The following SLC45A3 variants were observed in gnomAD, a reference collection of about 807,000 sequenced individuals.
The protein encoded by SLC45A3 is solute carrier family 45 member 3.
In SLC45A3, 17 loss-of-function variants were observed where a neutral mutation model predicts 35.3. That is an observed-to-expected ratio of 0.48 (90% confidence interval 0.33 to 0.72). The LOEUF is 0.72. Ranked by LOEUF, SLC45A3 falls within the 30% of genes least tolerant of loss-of-function variation. SLC45A3 has a pLI of 0.02. For missense variants in SLC45A3, 597 were observed against 731.7 expected, an observed-to-expected ratio of 0.82 and a Z score of 2.12; for synonymous variants, 288 against 334.3, an observed-to-expected ratio of 0.86 and a Z score of 1.51.
chr1:205,670,886 G>GA (rs1369481230), intron 1 of SLC45A3, among the ~76,000 whole-genome samples: 1 of 152,204 alleles, frequency 6.6e-6, no homozygotes, highest in Non-Finnish European at 1.5e-5. Context: ...GGGCAGAGGG[G>GA]GCACACCACA....
intron 4 of SLC45A3, among the ~76,000 whole-genome samples, chr1:205,660,539 G>T (rs76174744): frequency 2.2e-4 from 34 of 152,324 alleles, no homozygotes; most frequent in East Asian, 1.9e-3. Flanking sequence ...GGCTCACCAT[G>T]CAGCTCAACA....
chr1:205,661,676 C>T (rs1231863160), intron 4 of SLC45A3, among the ~76,000 whole-genome samples, 185 bp downstream of exon 4: 2 of 152,142 alleles, frequency 1.3e-5, no homozygotes, highest in Non-Finnish European at 2.9e-5. Context: ...AAGTCATTCC[C>T]AGAATCTAAT....
chr1:205,679,119 C>G (rs1671357971), intron 1 of SLC45A3, among the ~76,000 whole-genome samples: 1 of 152,170 alleles, frequency 6.6e-6, no homozygotes, highest in South Asian at 2.1e-4. Context: ...CAGCAAGGGT[C>G]ACTGCGGGCC....
Position 205,664,737 on chromosome 1 carries a change from G to C in SLC45A3, c.-81C>G. 1 of 1,539,964 alleles carries C rather than the reference G, an allele frequency of 6.5e-7. No individual in the cohort carries two copies. The highest frequency in any genetic ancestry group is 1.2e-5 in the South Asian group (1 of 80,272). On this transcript the variant is annotated 5_prime_UTR_variant, in exon 2 of 5. Coordinates refer to ENST00000367145, the MANE Select transcript of SLC45A3 (RefSeq NM_033102.3). The surrounding 1 kb of genome is among the most constrained non-coding windows in gnomAD (Gnocchi z 5.3). ...GTCTCGGCTCTGCTCCAGAAGCTGC[G>C]GCCTCTCCTCCTTGCTGCCGCCAAC...
rs370910332 is a variant in SLC45A3 at position 205,659,144 on chromosome 1, C to T, written c.*90G>A. ...TTACTTTGGCAGCAACAGAAACTGG[C>T]GGCCAGCCCGGCAGCCCCATGGGGC... On this transcript the variant is annotated 3_prime_UTR_variant, in exon 5 of 5. Coordinates refer to ENST00000367145, the MANE Select transcript of SLC45A3 (RefSeq NM_033102.3). This position sits in a 1 kb window ranked among gnomAD's most constrained non-coding sequence, Gnocchi z 5.8. 1.3e-4 allele frequency: 176 copies of T among 1,358,320 alleles called. No individual in the cohort carries two copies. In the African/African-American group the frequency reaches 2.2e-3, roughly 17 times the overall value. The allele number at this position is 1,358,320 out of a possible 1,614,324, so 84.1% of individuals were successfully genotyped here.
rs779593409 is a variant in SLC45A3, at chr1:205,659,339, A to G, written c.1557T>C (p.Ser519=). ...FMGSIVQLSQ[S]VTAYMVSAAG... is the part of the protein sequence containing the mutation. ...CGGCAGACACCATATAGGCAGTGAC[A>G]GACTGGCTGAGCTGGACAATGGAGC... The change falls in exon 5 of 5, where the codon TCT becomes TCC. Residue 519 remains serine, a synonymous_variant. Coordinates refer to ENST00000367145, the MANE Select transcript of SLC45A3 (RefSeq NM_033102.3). The surrounding 1 kb of genome is among the most constrained non-coding windows in gnomAD (Gnocchi z 5.8). 3 of 1,614,240 alleles carry G rather than the reference A, an allele frequency of 1.9e-6. No homozygotes were observed. Among genetic ancestry groups the G allele is most frequent in the South Asian group, 2.2e-5 (2 of 91,090 alleles).
At chr1:205,665,007 C>G in intron 1 of SLC45A3, 121 bp from the exon 2 acceptor site, 3 of 930,484 alleles carry the variant, frequency 3.2e-6, no homozygotes, top group Non-Finnish European at 4.1e-6. Context: ...GCCCTGTCAC[C>G]GAGGTGCCAC....
chr1:205,677,925 TATC>T (rs1671337087), intron 1 of SLC45A3, among the ~76,000 whole-genome samples: 1 of 152,232 alleles, frequency 6.6e-6, no homozygotes, highest in African/African-American at 2.4e-5. Context: ...CAGTAAGTAT[TATC>T]ATTCCCATTT....
At position 205,663,466 on chromosome 1, in the gene SLC45A3, G is replaced by A. The variant is rs1395852589; in HGVS notation, c.325C>T (p.Leu109=). 5.0e-6 allele frequency: 8 copies of A among 1,612,834 alleles called. No individual in the cohort carries two copies. The East Asian group carries it at 1.8e-4, about 36-fold the overall frequency. ...SLFLIPRAGW[L]AGLLCPDPRP... ...GGATCCGGGCACAGCAGCCCTGCTAGCCAGCCGGCCCTTGGGATGAGAAAG... is the reference window on the plus strand; with the variant it reads ...GGATCCGGGCACAGCAGCCCTGCTAACCAGCCGGCCCTTGGGATGAGAAAG... The change falls in exon 3 of 5, where the codon CTA becomes TTA. Residue 109 remains leucine, a synonymous_variant. Transcript: ENST00000367145.
chr1:205,662,736 G>A lies in SLC45A3; in HGVS notation c.958+97C>T, dbSNP rs1171921304. On this transcript the variant is annotated intron_variant, in intron 3 of 4. Transcript: ENST00000367145. This position sits in a 1 kb window ranked among gnomAD's most constrained non-coding sequence, Gnocchi z 6.2. ...CCCCACTTTCCTGACAGAGAAGTCG[G>A]GGCCAGGATGGAGAGGCACCAGCCC... The A allele has an allele frequency of 1.0e-5, 15 of 1,492,380 alleles. No homozygotes were observed. The highest frequency in any genetic ancestry group is 2.3e-5 in the Admixed American group (1 of 43,696). The allele number at this position is 1,492,380 out of a possible 1,614,324, so 92.4% of individuals were successfully genotyped here.
chr1:205,662,700 A>G lies in SLC45A3; in HGVS notation c.958+133T>C. Reference sequence around the variant, plus strand: ...CACCCATGAGAAGCCGTGTATGCAGATGGGGTCCATCCCCACTTTCCTGAC... The same window carrying G: ...CACCCATGAGAAGCCGTGTATGCAGGTGGGGTCCATCCCCACTTTCCTGAC... On this transcript the variant is annotated intron_variant, in intron 3 of 4. Coordinates refer to ENST00000367145, the MANE Select transcript of SLC45A3 (RefSeq NM_033102.3). The surrounding 1 kb of genome is among the most constrained non-coding windows in gnomAD (Gnocchi z 6.2). 1 of 1,459,272 alleles carries G rather than the reference A, an allele frequency of 6.9e-7. No individual in the cohort carries two copies. Among genetic ancestry groups the G allele is most frequent in the Non-Finnish European group, 9.0e-7 (1 of 1,112,732 alleles). 90.4% of individuals were successfully genotyped at this position (1,459,272 alleles called of 1,614,324 possible).
intron 1 of SLC45A3, among the ~76,000 whole-genome samples, chr1:205,668,704 A>G (rs535400778): frequency 6.6e-6 from 1 of 152,304 alleles, no homozygotes; most frequent in South Asian, 2.1e-4. Flanking sequence ...GGAAGGAAGT[A>G]GAGGGGCTGA....
intron 1 of SLC45A3, among the ~76,000 whole-genome samples, chr1:205,671,713 A>C (rs1671217203): frequency 6.6e-6 from 1 of 152,166 alleles, no homozygotes; most frequent in Non-Finnish European, 1.5e-5. Context: ...TACAAAAATT[A>C]GCCAGGCCCA....
At chr1:205,673,374 T>C (rs1671249299) in intron 1 of SLC45A3, among the ~76,000 whole-genome samples, 1 of 152,196 alleles carries the variant, frequency 6.6e-6, no homozygotes. Context: ...CTTCCCCCCA[T>C]CCTGCCTTTT....
At position 205,664,901 on chromosome 1, in the gene SLC45A3, C is replaced by A; in HGVS notation, c.-230-15G>T. On this transcript the variant is annotated splice_polypyrimidine_tract_variant and intron_variant, in intron 1 of 4. Coordinates refer to ENST00000367145, the MANE Select transcript of SLC45A3 (RefSeq NM_033102.3). This position sits in a 1 kb window ranked among gnomAD's most constrained non-coding sequence, Gnocchi z 5.3. ...TCACTCAGATCCTAGAAGGGCGGGG[C>A]AATCACAAGCACACGGGGTGTTAAG... is the stretch of plus-strand genomic sequence containing the variant. 1 of 1,349,882 alleles carries A rather than the reference C, an allele frequency of 7.4e-7. No individual in the cohort carries two copies. Among genetic ancestry groups the A allele is most frequent in the East Asian group, 2.9e-5 (1 of 35,040 alleles). The allele number at this position is 1,349,882 out of a possible 1,614,324, so 83.6% of individuals were successfully genotyped here.
intron 1 of SLC45A3, among the ~76,000 whole-genome samples, chr1:205,667,268 G>A (rs962733309): frequency 6.6e-6 from 1 of 152,300 alleles, no homozygotes; most frequent in African/African-American, 2.4e-5. Flanking sequence ...CACTTTGGGA[G>A]GCCAAAGCAG....
intron 1 of SLC45A3, among the ~76,000 whole-genome samples, chr1:205,679,568 C>G (rs926721421): frequency 6.6e-6 from 1 of 152,158 alleles, no homozygotes; most frequent in African/African-American, 2.4e-5. Flanking sequence ...CACATCACAC[C>G]TGTTTGCCGT....
Position 205,662,494 on chromosome 1 carries a change from G to A in SLC45A3, c.958+339C>T, listed in dbSNP as rs535040394. On this transcript the variant is annotated intron_variant, in intron 3 of 4. Transcript: ENST00000367145. This position sits in a 1 kb window ranked among gnomAD's most constrained non-coding sequence, Gnocchi z 6.2. ...GGTGAGATTATTTGGAAAGTCGTTG[G>A]GGGAGCAGAGGGCACACTGCGGCTG... The A allele has an allele frequency of 5.9e-5, 76 of 1,287,152 alleles. 1 individual carries two copies. The Middle Eastern group carries it at 1.8e-3, about 30-fold the overall frequency. 79.7% of individuals were successfully genotyped at this position (1,287,152 alleles called of 1,614,324 possible). A position where few individuals can be genotyped will look rare whatever the true frequency, so the allele number is the denominator to read the frequency against.
intron 1 of SLC45A3, among the ~76,000 whole-genome samples, chr1:205,671,967 G>A (rs1280466809): frequency 3.3e-5 from 5 of 152,186 alleles, no homozygotes; most frequent in Admixed American, 2.0e-4. Context: ...TCTGCCGTGC[G>A]TCTTGATCTT....
Sources: gnomAD v4.1 joint callset for allele counts (sites outside exome capture counted in the v4.1 genomes callset) on GRCh38, gnomAD v4.1.1 for gene constraint, Gnocchi (gnomAD v3.1) non-coding constraint, MANE v1.5 for transcripts, NCBI Gene and HGNC (gene_info 2026-07-23, HGNC 2026-07-21) for gene names.